ZNF148: variants seen among roughly 807,000 people sequenced by gnomAD.
ZNF148 encodes zinc finger protein 148.
ZNF148 carries 7 observed loss-of-function variants against 67.7 expected under a neutral mutation model. The ratio of observed to expected loss-of-function variants is 0.10; its 90% CI spans 0.06 to 0.19. The LOEUF is 0.19. Among genes scored for constraint, ZNF148 ranks in the 10% least tolerant of loss-of-function variants. The pLI is 1.00. For missense variants in ZNF148, 583 were observed against 947.1 expected (o/e 0.62, Z 5.05); for synonymous variants, 333 against 330.7 (o/e 1.01, Z -0.08).
intron 4 of ZNF148, among the ~76,000 whole-genome samples, chr3:125,302,584 T>C (rs1425683541): frequency 6.6e-6 from 1 of 152,166 alleles, no homozygotes; most frequent in Non-Finnish European, 1.5e-5. Context: ...AATACAGCTT[T>C]TCATTGATTC....
chr3:125,235,939 G>A (rs1276565092), intron 7 of ZNF148, among the ~76,000 whole-genome samples: 1 of 125,058 alleles, frequency 8.0e-6, no homozygotes, highest in Non-Finnish European at 1.6e-5. Context: ...ATCATAAACC[G>A]GGGACTGTTG....
chr3:125,291,804 TTC>T (rs1297544167), intron 4 of ZNF148, among the ~76,000 whole-genome samples: 4 of 152,138 alleles, frequency 2.6e-5, no homozygotes, highest in African/African-American at 9.7e-5. Context: ...GAAATGGTTG[TTC>T]TGAGAGTAAA....
intron 5 of ZNF148, among the ~76,000 whole-genome samples, chr3:125,280,901 A>G (rs1173335916): frequency 6.6e-6 from 1 of 152,172 alleles, no homozygotes; most frequent in East Asian, 1.9e-4. Context: ...ACTGTCCAAC[A>G]AAGGTAGAGA....
At chr3:125,320,631 G>A (rs1940728693) in intron 3 of ZNF148, among the ~76,000 whole-genome samples, 1 of 152,144 alleles carries the variant, frequency 6.6e-6, no homozygotes, top group Non-Finnish European at 1.5e-5. Flanking sequence ...TGTATAAAAA[G>A]AGTAATTCCC....
At chr3:125,344,862 T>C (rs1460677557) in intron 1 of ZNF148, 1 of 271,332 alleles carries the variant, frequency 3.7e-6, no homozygotes, top group Admixed American at 4.8e-5. Context: ...ACAGGGGAAG[T>C]GGGGCAGTGG....
chr3:125,285,040 G>A (rs1289471227), intron 5 of ZNF148, among the ~76,000 whole-genome samples: 1 of 152,144 alleles, frequency 6.6e-6, no homozygotes, highest in Non-Finnish European at 1.5e-5. Flanking sequence ...TAGTTACATG[G>A]ATGTTTATAA....
chr3:125,255,917 C>T (rs1251562654), intron 7 of ZNF148, among the ~76,000 whole-genome samples: 1 of 151,812 alleles, frequency 6.6e-6, no homozygotes, highest in African/African-American at 2.4e-5. Flanking sequence ...AATGATGTGC[C>T]TCCTTGGTTC....
At chr3:125,279,332 AAAC>A (rs1938250099) in intron 5 of ZNF148, 85 bp from the exon 6 acceptor site, 12 of 1,096,276 alleles carry the variant, frequency 1.1e-5, no homozygotes, top group South Asian at 4.1e-5. Flanking sequence ...AAGATAATGC[AAAC>A]AACGGTCACC....
Position 125,227,307 on chromosome 3 carries a change from C to G in ZNF148, c.*5034G>C, listed in dbSNP as rs1935681531. 1 of 152,564 alleles carries G rather than the reference C, an allele frequency of 6.6e-6. No individual in the cohort carries two copies. Among genetic ancestry groups the G allele is most frequent in the African/African-American group, 2.4e-5 (1 of 41,428 alleles). 9.5% of individuals were successfully genotyped at this position (152,564 alleles called of 1,614,324 possible). On this transcript the variant is annotated 3_prime_UTR_variant, in exon 9 of 9. Transcript: ENST00000360647. ...AGAAAATGGGATAGGAATAGTAATA[C>G]TGTATAATCAGAATATCCTATTATC...
At chr3:125,256,168 CCTGG>C (rs1937065903) in intron 7 of ZNF148, among the ~76,000 whole-genome samples, 1 of 150,872 alleles carries the variant, frequency 6.6e-6, no homozygotes, top group African/African-American at 2.4e-5. Flanking sequence ...TCGAGCCCAT[CCTGG>C]CTAACACAGC....
chr3:125,351,908 T>C (rs1942166668), intron 1 of ZNF148, among the ~76,000 whole-genome samples: 1 of 152,170 alleles, frequency 6.6e-6, no homozygotes, highest in Non-Finnish European at 1.5e-5. Flanking sequence ...ATCAAGGATA[T>C]GGAGAAACTG....
At position 125,228,611 on chromosome 3, in the gene ZNF148, T is replaced by C. The variant is rs930426873; in HGVS notation, c.*3730A>G. ...GATTTGTTTGTACATATTTACAGATTCTTAAAAACAAGCTGTAAAAACATT... is the reference window on the plus strand; with the variant it reads ...GATTTGTTTGTACATATTTACAGATCCTTAAAAACAAGCTGTAAAAACATT... On this transcript the variant is annotated 3_prime_UTR_variant, in exon 9 of 9. Transcript: ENST00000360647. 6.6e-6 allele frequency: 1 copy of C among 152,582 alleles called. No individual in the cohort carries two copies. Among genetic ancestry groups the C allele is most frequent in the African/African-American group, 2.4e-5 (1 of 41,446 alleles). 9.5% of individuals were successfully genotyped at this position (152,582 alleles called of 1,614,324 possible). A position where few individuals can be genotyped will look rare whatever the true frequency, so the allele number is the denominator to read the frequency against.
Position 125,347,569 on chromosome 3 carries a change from ATTTTT to A in ZNF148, c.-233-16336_-233-16332del, listed in dbSNP as rs36070409. 8.3e-3 allele frequency among the ~76,000 whole-genome samples: 1,209 copies of A among 145,184 alleles called. 22 individuals carry two copies. Among genetic ancestry groups the A allele is most frequent in the African/African-American group, 0.028 (1,121 of 39,504 alleles). Reference sequence around the variant, plus strand: ...TCTTTTTTGTTAAATTTTATGTATTATTTTTTTTTTTTTTCTGAGACAGGGTCCCA... The same window carrying A: ...TCTTTTTTGTTAAATTTTATGTATTATTTTTTTTTCTGAGACAGGGTCCCA... On this transcript the variant is annotated intron_variant, in intron 1 of 8. Transcript: ENST00000360647.
intron 1 of ZNF148, among the ~76,000 whole-genome samples, chr3:125,334,387 T>C (rs1318690579): frequency 6.6e-6 from 1 of 152,184 alleles, no homozygotes; most frequent in African/African-American, 2.4e-5. Context: ...GAGTAAATGT[T>C]TGTGATAATA....
At chr3:125,326,863 T>G (rs1559759030) in intron 2 of ZNF148, among the ~76,000 whole-genome samples, 1 of 147,602 alleles carries the variant, frequency 6.8e-6, no homozygotes, top group Admixed American at 6.8e-5. Flanking sequence ...TATATAAAGA[T>G]ATATATATAT....
chr3:125,358,229 C>G (rs1039217018), intron 1 of ZNF148, among the ~76,000 whole-genome samples: 2 of 152,130 alleles, frequency 1.3e-5, no homozygotes, highest in African/African-American at 2.4e-5. Flanking sequence ...AGGAGAATCG[C>G]TTGAACCCAA....
chr3:125,355,781 A>G (rs1157737614), intron 1 of ZNF148, among the ~76,000 whole-genome samples: 1 of 152,076 alleles, frequency 6.6e-6, no homozygotes, highest in Non-Finnish European at 1.5e-5. Flanking sequence ...CTCTTGTATG[A>G]GGCCTAATGA....
chr3:125,327,477 G>A (rs778005229), intron 2 of ZNF148, among the ~76,000 whole-genome samples: 11 of 152,064 alleles, frequency 7.2e-5, no homozygotes, highest in African/African-American at 1.7e-4. Flanking sequence ...GGCCACACGC[G>A]GGGCCATAAA....
intron 3 of ZNF148, among the ~76,000 whole-genome samples, chr3:125,321,366 A>AT (rs545244940): frequency 1.8e-4 from 28 of 152,272 alleles, no homozygotes; most frequent in African/African-American, 6.7e-4. Context: ...CACGTTAACA[A>AT]TAATCATTTT....
Sources: allele counts gnomAD v4.1 joint callset (sites outside exome capture counted in the v4.1 genomes callset), GRCh38; gene constraint gnomAD v4.1.1; transcripts MANE v1.5; gene names NCBI Gene and HGNC (gene_info 2026-07-23, HGNC 2026-07-21).